Variants in ADARB2 observed in about 807,000 individuals in gnomAD.
ADARB2 encodes the protein inactive double-stranded RNA-specific editase B2.
ADARB2 carries 25 observed loss-of-function variants against 62.2 expected under a neutral mutation model. The observed-to-expected ratio is 0.40, with a 90% confidence interval of 0.29 to 0.56. The LOEUF (loss-of-function observed/expected upper bound fraction) is 0.56. Ranked by LOEUF, ADARB2 falls within the 20% of genes least tolerant of loss-of-function variation. The pLI, the probability that ADARB2 is intolerant of heterozygous loss-of-function variation, is 0.43. For synonymous variants in ADARB2, 572 were observed against 500.8 expected (o/e 1.14, Z -1.90); for missense variants, 1,071 against 1,077.4 (o/e 0.99, Z 0.08).
chr10:1,701,754 CA>C, intron 1 of ADARB2, among the ~76,000 whole-genome samples: 1 of 41,974 alleles, frequency 2.4e-5, no homozygotes, highest in African/African-American at 7.7e-5. Flanking sequence ...ACCGGGAGAC[CA>C]GGCGCTAGTC....
chr10:1,318,578 C>T (rs1243810234), intron 3 of ADARB2, among the ~76,000 whole-genome samples: 1 of 151,146 alleles, frequency 6.6e-6, no homozygotes, highest in Non-Finnish European at 1.5e-5. Context: ...GTTCAGATTC[C>T]ACCTGATCTC....
At chr10:1,267,737 G>A (rs886359451) in intron 4 of ADARB2, among the ~76,000 whole-genome samples, 1 of 152,260 alleles carries the variant, frequency 6.6e-6, no homozygotes, top group African/African-American at 2.4e-5. Context: ...GGAGCTGGGG[G>A]TGGAGGCGGA....
chr10:1,360,495 G>A (rs1832242705), intron 3 of ADARB2, among the ~76,000 whole-genome samples: 1 of 152,196 alleles, frequency 6.6e-6, no homozygotes, highest in African/African-American at 2.4e-5. Context: ...TTGGGGCAGG[G>A]CAAGGAGGAA....
intron 1 of ADARB2, among the ~76,000 whole-genome samples, chr10:1,510,039 TTTCTCTCTC>T (rs1197981486): frequency 6.6e-6 from 1 of 151,948 alleles, no homozygotes; most frequent in East Asian, 1.9e-4. Context: ...CTTTCTTTCT[TTTCTCTCTC>T]TTCTCTCTCT....
intron 1 of ADARB2, among the ~76,000 whole-genome samples, chr10:1,672,360 C>G (rs1834397346): frequency 6.6e-6 from 1 of 152,152 alleles, no homozygotes; most frequent in South Asian, 2.1e-4. Flanking sequence ...GTAATTAATC[C>G]TTCTTGAAGG....
Position 1,391,300 on chromosome 10 carries a change from G to C in ADARB2, c.101-12140C>G, listed in dbSNP as rs566892981. 9.8e-5 allele frequency among the ~76,000 whole-genome samples: 15 copies of C among 152,354 alleles called. No homozygotes were observed. The South Asian group carries it at 3.1e-3, about 32-fold the overall frequency. On this transcript the variant is annotated intron_variant, in intron 1 of 9. Transcript: ENST00000381312. ...CATAGTGCTCAGCCTATGAGGGACT[G>C]GGGGAGGGACCTGTGCACTAGGGGA...
chr10:1,405,983 A>G (rs1222202195), intron 1 of ADARB2, among the ~76,000 whole-genome samples: 1 of 151,582 alleles, frequency 6.6e-6, no homozygotes, highest in Non-Finnish European at 1.5e-5. Context: ...AGGTACACCC[A>G]TTTCTTAAAT....
At chr10:1,559,053 AG>A (rs1832752899) in intron 1 of ADARB2, among the ~76,000 whole-genome samples, 1 of 152,240 alleles carries the variant, frequency 6.6e-6, no homozygotes, top group African/African-American at 2.4e-5. Flanking sequence ...TCGCATCCCC[AG>A]TGCTGAGACA....
intron 7 of ADARB2, among the ~76,000 whole-genome samples, chr10:1,214,711 C>T (rs575877594): frequency 6.6e-6 from 1 of 152,332 alleles, no homozygotes; most frequent in East Asian, 1.9e-4. Flanking sequence ...TCTTAGGGCA[C>T]CAAGAGAATT....
At chr10:1,302,799 A>G (rs1353491268) in intron 3 of ADARB2, among the ~76,000 whole-genome samples, 2 of 152,224 alleles carry the variant, frequency 1.3e-5, no homozygotes, top group African/African-American at 4.8e-5. Context: ...GTACTCCAAC[A>G]GACCTGCAGC....
At chr10:1,659,398 TG>T (rs1834214367) in intron 1 of ADARB2, among the ~76,000 whole-genome samples, 7 of 151,978 alleles carry the variant, frequency 4.6e-5, no homozygotes, top group Admixed American at 4.6e-4. Flanking sequence ...GGACAGAAAA[TG>T]GGGGTCCCCA....
At chr10:1,327,000 A>ACGGCACAGCGC (rs1589193091) in intron 3 of ADARB2, among the ~76,000 whole-genome samples, 1 of 26,880 alleles carries the variant, frequency 3.7e-5, no homozygotes, top group African/African-American at 1.4e-4. Context: ...GCGCCTCCCC[A>ACGGCACAGCGC]CTGCCCAGCG....
At chr10:1,571,285 C>G (rs753677572) in intron 1 of ADARB2, among the ~76,000 whole-genome samples, 36 of 139,474 alleles carry the variant, frequency 2.6e-4, no homozygotes, top group Admixed American at 9.9e-4. Context: ...TCTATTTTTA[C>G]TTTTTTTTTT....
rs1319368109 is a variant in ADARB2 at position 1,351,584 on chromosome 10, T to G, written c.1077+11444A>C. 2.0e-5 allele frequency among the ~76,000 whole-genome samples: 3 copies of G among 152,022 alleles called. No individual in the cohort carries two copies. The East Asian group carries it at 5.8e-4, about 29-fold the overall frequency. On this transcript the variant is annotated intron_variant, in intron 3 of 9. Transcript: ENST00000381312. ...CCGCCTTTTCCCCCAGTTCAAAGCC[T>G]CCTTCACATCCTCCCCTTGTATCTC...
intron 3 of ADARB2, among the ~76,000 whole-genome samples, chr10:1,358,796 A>G (rs1360197819): frequency 6.6e-6 from 1 of 152,172 alleles, no homozygotes; most frequent in Non-Finnish European, 1.5e-5. Context: ...AAATTTAAAA[A>G]ACAAAGAAAT....
chr10:1,622,085 A>T (rs974535645), intron 1 of ADARB2, among the ~76,000 whole-genome samples: 8 of 152,186 alleles, frequency 5.3e-5, no homozygotes, highest in Non-Finnish European at 8.8e-5. Context: ...GGTACTAAGA[A>T]ATTTCAATGG....
At chr10:1,734,362 C>G (rs1472879594) in intron 1 of ADARB2, among the ~76,000 whole-genome samples, 2 of 142,830 alleles carry the variant, frequency 1.4e-5, no homozygotes, top group Admixed American at 7.3e-5. Context: ...TAAAATATAA[C>G]TTCTACAGAA....
intron 1 of ADARB2, among the ~76,000 whole-genome samples, chr10:1,587,088 C>T (rs1156332442): frequency 1.3e-5 from 2 of 152,178 alleles, no homozygotes; most frequent in African/African-American, 4.8e-5. Flanking sequence ...TCATTAATGG[C>T]TAAAATGATT....
chr10:1,424,612 G>A (rs1005426285), intron 1 of ADARB2, among the ~76,000 whole-genome samples: 3 of 152,138 alleles, frequency 2.0e-5, no homozygotes, highest in East Asian at 3.9e-4. Context: ...GAAGCTTGGT[G>A]CTTTGTGTGT....
Sources: gnomAD v4.1 joint callset for allele counts (sites outside exome capture counted in the v4.1 genomes callset) on GRCh38, gnomAD v4.1.1 for gene constraint, MANE v1.5 for transcripts, NCBI Gene and HGNC (gene_info 2026-07-23, HGNC 2026-07-21) for gene names.